GUCY2C: variants seen among roughly 807,000 people sequenced by gnomAD.
GUCY2C encodes the protein guanylyl cyclase C.
Under a neutral mutation model 131.1 loss-of-function variants are expected in GUCY2C, and 118 were observed. That is an observed-to-expected ratio of 0.90 (90% CI 0.78 to 1.05). The LOEUF is 1.05. Among genes scored for constraint, GUCY2C ranks in the 50% least tolerant of loss-of-function variants. GUCY2C has a pLI of 0.00. For synonymous variants in GUCY2C, 452 were observed against 457.8 expected (o/e 0.99, Z 0.16); for missense variants, 1,161 against 1,304.4 (o/e 0.89, Z 1.69).
Position 14,674,724 on chromosome 12 carries a change from T to C in GUCY2C, c.985A>G (p.Ile329Val). Residue 329 changes from isoleucine (I) to valine (V), a missense_variant, in exon 8 of 27, where the codon ATC becomes GTC. Ile to Val is a conservative substitution (Grantham distance 29). Coordinates refer to ENST00000261170, the MANE Select transcript of GUCY2C (RefSeq NM_004963.4). Reference sequence around the variant, plus strand: ...TTCAGCATATGTCCAAAGAGCAGGATTCCATTCAAATAGGCAAGAGCAAAG... The same window carrying C: ...TTCAGCATATGTCCAAAGAGCAGGACTCCATTCAAATAGGCAAGAGCAAAG... ...RDFALAYLNG[I>V]LLFGHMLKIF... The C allele has an allele frequency of 6.2e-7, 1 of 1,611,722 alleles. No individual in the cohort carries two copies. Among genetic ancestry groups the C allele is most frequent in the Non-Finnish European group, 8.5e-7 (1 of 1,178,168 alleles).
chr12:14,650,411 C>G (rs1947623849), intron 15 of GUCY2C, among the ~76,000 whole-genome samples: 1 of 152,154 alleles, frequency 6.6e-6, no homozygotes, highest in Non-Finnish European at 1.5e-5. Context: ...CCATGCCCAG[C>G]TAATTTTTGT....
chr12:14,657,307 G>C (rs1947783094), intron 11 of GUCY2C, among the ~76,000 whole-genome samples: 1 of 152,190 alleles, frequency 6.6e-6, no homozygotes, highest in Non-Finnish European at 1.5e-5. Flanking sequence ...TTTTAATCCA[G>C]AGAGAATACA....
chr12:14,651,277 T>C (rs1318363849), intron 15 of GUCY2C, 130 bp downstream of exon 15: 2 of 547,128 alleles, frequency 3.7e-6, no homozygotes, highest in African/African-American at 3.8e-5. Context: ...GGGGATCTAG[T>C]TTGGAAAGCA....
chr12:14,648,110 G>A (rs769994402), intron 15 of GUCY2C, among the ~76,000 whole-genome samples: 4 of 151,680 alleles, frequency 2.6e-5, no homozygotes, highest in African/African-American at 4.8e-5. Context: ...ACAGGTGCCC[G>A]CCATCATGCC....
At chr12:14,635,935 C>T (rs1425292426) in intron 19 of GUCY2C, among the ~76,000 whole-genome samples, 1 of 152,066 alleles carries the variant, frequency 6.6e-6, no homozygotes, top group Non-Finnish European at 1.5e-5. Context: ...AATACATGAA[C>T]AGACCAACAA....
At chr12:14,614,558 G>GAA in intron 26 of GUCY2C, 26 of 223,960 alleles carry the variant, frequency 1.2e-4, no homozygotes, top group South Asian at 1.8e-4. Flanking sequence ...ATCCACAGTG[G>GAA]AAAAAAAAAA....
At chr12:14,636,709 G>A (rs1373018127) in intron 19 of GUCY2C, among the ~76,000 whole-genome samples, 1 of 152,156 alleles carries the variant, frequency 6.6e-6, no homozygotes. Context: ...CCTCTTTGCA[G>A]ATGATATGAT....
At chr12:14,695,621 G>T (rs1216554647) in intron 1 of GUCY2C, among the ~76,000 whole-genome samples, 2 of 126,326 alleles carry the variant, frequency 1.6e-5, no homozygotes, top group African/African-American at 6.4e-5. Context: ...AAAAAAAAAA[G>T]AGTGAACAGG....
intron 10 of GUCY2C, among the ~76,000 whole-genome samples, chr12:14,662,303 G>A (rs987409762): frequency 6.6e-6 from 1 of 152,140 alleles, no homozygotes; most frequent in African/African-American, 2.4e-5. Flanking sequence ...AATGTGCCCT[G>A]ACTTTGAGAA....
At chr12:14,685,661 A>G (rs1948454281) in intron 3 of GUCY2C, among the ~76,000 whole-genome samples, 1 of 152,228 alleles carries the variant, frequency 6.6e-6, no homozygotes, top group South Asian at 2.1e-4. Flanking sequence ...TTGTTCTAAG[A>G]TAGTAAGGGC....
intron 15 of GUCY2C, 62 bp from the exon 16 acceptor site, chr12:14,645,377 A>G: frequency 1.3e-6 from 1 of 781,106 alleles, no homozygotes; most frequent in East Asian, 2.5e-5. Flanking sequence ...TGGAGAGACT[A>G]TTATGAAACA....
intron 12 of GUCY2C, among the ~76,000 whole-genome samples, chr12:14,654,117 T>A (rs1947717464): frequency 6.6e-6 from 1 of 152,246 alleles, no homozygotes; most frequent in Non-Finnish European, 1.5e-5. Flanking sequence ...TACCCTCAAA[T>A]GAATGATCAT....
Position 14,660,980 on chromosome 12 carries a change from C to T in GUCY2C, c.1364+1G>A. 5.6e-6 allele frequency: 9 copies of T among 1,603,874 alleles called. No individual in the cohort carries two copies. Among genetic ancestry groups the T allele is most frequent in the Non-Finnish European group, 7.7e-6 (9 of 1,170,728 alleles). ...CACAGGCATGATAGAGGCGGCTGTA[C>T]CTGAGCATCAGGAGAGCGACGAGCA... On this transcript the variant is annotated splice_donor_variant, in intron 11 of 26. Coordinates refer to ENST00000261170, the MANE Select transcript of GUCY2C (RefSeq NM_004963.4). LOFTEE classifies it high-confidence loss of function.
chr12:14,624,867 C>G (rs1235274335), intron 21 of GUCY2C, among the ~76,000 whole-genome samples: 6 of 152,182 alleles, frequency 3.9e-5, no homozygotes, highest in African/African-American at 1.4e-4. Context: ...ATGGTTAAAA[C>G]CACCGCCAAT....
In GUCY2C at chr12:14,612,966, G is replaced by C; in HGVS notation, c.*151C>G. On this transcript the variant is annotated 3_prime_UTR_variant, in exon 27 of 27. Transcript: ENST00000261170. ...GAGAACACACATCTGATTCATGCAAGAAAGTCCATGTTCCAGACAGGGCAG... is the reference window on the plus strand; with the variant it reads ...GAGAACACACATCTGATTCATGCAACAAAGTCCATGTTCCAGACAGGGCAG... 1.6e-6 allele frequency: 1 copy of C among 637,556 alleles called. No individual in the cohort carries two copies. The highest frequency in any genetic ancestry group is 2.6e-5 in the East Asian group (1 of 38,158). The allele number at this position is 637,556 out of a possible 1,614,324, so 39.5% of individuals were successfully genotyped here.
At chr12:14,659,384 CATATT>C (rs1322875811) in intron 11 of GUCY2C, among the ~76,000 whole-genome samples, 1 of 152,072 alleles carries the variant, frequency 6.6e-6, no homozygotes, top group Non-Finnish European at 1.5e-5. Context: ...TCATCTTTGT[CATATT>C]ATAAGTTCTT....
intron 15 of GUCY2C, among the ~76,000 whole-genome samples, chr12:14,647,135 A>T (rs949360895): frequency 6.6e-6 from 1 of 152,190 alleles, no homozygotes; most frequent in Admixed American, 6.5e-5. Context: ...CACCATTTTT[A>T]AAATTACCCT....
intron 21 of GUCY2C, among the ~76,000 whole-genome samples, chr12:14,624,156 T>G (rs983810512): frequency 6.6e-6 from 1 of 152,068 alleles, no homozygotes; most frequent in African/African-American, 2.4e-5. Context: ...AGAAAAAACT[T>G]CTGGCCAGGC....
intron 14 of GUCY2C, 94 bp from the exon 15 acceptor site, chr12:14,651,605 C>A: frequency 1.4e-6 from 1 of 696,650 alleles, no homozygotes; most frequent in South Asian, 1.7e-5. Context: ...TGTTTCAGAT[C>A]TTTGAGAAGA....
Sources: gnomAD v4.1 joint callset for allele counts (sites outside exome capture counted in the v4.1 genomes callset) on GRCh38, gnomAD v4.1.1 for gene constraint, MANE v1.5 for transcripts, NCBI Gene and HGNC (gene_info 2026-07-23, HGNC 2026-07-21) for gene names.